ITGB4: variants seen among roughly 807,000 people sequenced by gnomAD.
The protein encoded by ITGB4 is integrin beta-4.
ITGB4 carries 159 observed loss-of-function variants against 207.6 expected under a neutral mutation model. The ratio of observed to expected loss-of-function variants is 0.77; its 90% confidence interval spans 0.67 to 0.87. ITGB4 has a LOEUF of 0.87. Ranked by LOEUF, ITGB4 falls within the 40% of genes least tolerant of loss-of-function variation. The pLI, the probability that ITGB4 is intolerant of heterozygous loss-of-function variation, is 0.00. For missense variants in ITGB4, 2,278 were observed against 2,546.8 expected (o/e 0.89, Z 2.27); for synonymous variants, 1,020 against 1,062.7 (o/e 0.96, Z 0.78).
In ITGB4 at chr17:75,752,400, G is replaced by GT. The variant is rs768981787; in HGVS notation, c.3976+44_3976+45insT. The GT allele has an allele frequency of 9.3e-6, 15 of 1,612,736 alleles. No homozygotes were observed. The African/African-American group carries it at 2.0e-4, about 21-fold the overall frequency. ...GGTGAGGGGCAGACCGGGCAGGGGGGCAGGGGGCAGCAGCCAGGGCCCTGG... is the reference window on the plus strand; with the variant it reads ...GGTGAGGGGCAGACCGGGCAGGGGGGTCAGGGGGCAGCAGCCAGGGCCCTGG... On this transcript the variant is annotated intron_variant, in intron 31 of 39. Coordinates refer to ENST00000200181, the MANE Select transcript of ITGB4 (RefSeq NM_000213.5).
intron 15 of ITGB4, 40 bp from the exon 16 acceptor site, chr17:75,736,525 C>T: frequency 6.3e-7 from 1 of 1,590,690 alleles, no homozygotes; most frequent in Non-Finnish European, 8.6e-7. Flanking sequence ...CAGAGGCCCA[C>T]CCAACACAGT....
In ITGB4 at chr17:75,736,610, C is replaced by A. The variant is rs1170581456; in HGVS notation, c.1906C>A (p.Gln636Lys). 6.2e-6 allele frequency: 10 copies of A among 1,603,636 alleles called. No individual in the cohort carries two copies. Among genetic ancestry groups the A allele is most frequent in the Non-Finnish European group, 7.7e-6 (9 of 1,175,762 alleles). Reference sequence around the variant, plus strand: ...GGACCTACGCTCCTGCGTGCAGTGCCAGGCGTGGGGCACCGGCGAGAAGAA... The same window carrying A: ...GGACCTACGCTCCTGCGTGCAGTGCAAGGCGTGGGGCACCGGCGAGAAGAA... ...CEDLRSCVQC[Q>K]AWGTGEKKGR... The change falls in exon 16 of 40, where the codon CAG becomes AAG. Residue 636 changes from glutamine to lysine, a missense_variant. Coordinates refer to ENST00000200181, the MANE Select transcript of ITGB4 (RefSeq NM_000213.5).
rs572503291 is a variant in ITGB4 at position 75,757,181 on chromosome 17, G to GC, written c.5219-17dup. 836 of 1,612,202 alleles carry GC rather than the reference G, an allele frequency of 5.2e-4. 4 individuals are homozygous for GC. In the African/African-American group the frequency reaches 9.8e-3, roughly 19 times the overall value. On this transcript the variant is annotated intron_variant, in intron 38 of 39. Transcript: ENST00000200181. ...TCCTTCTGGCACCACCCTCTGACTG[G>GC]CCTATCTGCCCACCCCAGGACCCTT...
At chr17:75,755,295 C>G (rs577078944) in intron 34 of ITGB4, 6 of 1,402,772 alleles carry the variant, frequency 4.3e-6, no homozygotes, top group Non-Finnish European at 5.8e-6. Flanking sequence ...GCCAGCTGTG[C>G]CCACTGCTTC....
intron 30 of ITGB4, 71 bp downstream of exon 30, chr17:75,751,182 G>GACCAA: frequency 1.3e-6 from 2 of 1,564,988 alleles, no homozygotes; most frequent in Non-Finnish European, 1.7e-6. Context: ...AAAGCTGGAG[G>GACCAA]GAGCTCTTGG....
rs754607950 is a variant in ITGB4 at position 75,756,744 on chromosome 17, G to A, written c.4938G>A (p.Pro1646=). Residue 1646 remains proline (P), a synonymous_variant, in exon 37 of 40, where the codon CCG becomes CCA. Coordinates refer to ENST00000200181, the MANE Select transcript of ITGB4 (RefSeq NM_000213.5). ...FTLSTPSAPG[P]LVFTALSPDS... is the part of the protein sequence containing the mutation. The stretch of plus-strand genomic sequence containing the variant: ...TGAGCACTCCCAGTGCCCCAGGCCC[G>A]CTGGTGTTCACTGCCCTGAGCCCAG... 61 of 1,612,926 alleles carry A rather than the reference G, an allele frequency of 3.8e-5. No individual in the cohort carries two copies. The highest frequency in any genetic ancestry group is 4.5e-5 in the Non-Finnish European group (53 of 1,180,008).
Position 75,757,609 on chromosome 17 carries a change from T to C in ITGB4, c.*54T>C. The C allele has an allele frequency of 1.2e-6, 2 of 1,607,916 alleles. No homozygotes were observed. Among genetic ancestry groups the C allele is most frequent in the Non-Finnish European group, 1.7e-6 (2 of 1,175,736 alleles). ...CCACTAGGCGTCCTCCCGACTCCTC[T>C]CCCGGAGCCTCCTCAGCTACTCCAT... On this transcript the variant is annotated 3_prime_UTR_variant, in exon 40 of 40. Transcript: ENST00000200181.
At position 75,742,210 on chromosome 17, in the gene ITGB4, G is replaced by C; in HGVS notation, c.2634-131G>C. 1.7e-6 allele frequency: 2 copies of C among 1,186,976 alleles called. No homozygotes were observed. The highest frequency in any genetic ancestry group is 2.6e-5 in the South Asian group (2 of 75,890). The allele number at this position is 1,186,976 out of a possible 1,614,324, so 73.5% of individuals were successfully genotyped here. A position where few individuals can be genotyped will look rare whatever the true frequency, so the allele number is the denominator to read the frequency against. On this transcript the variant is annotated intron_variant, in intron 23 of 39. Transcript: ENST00000200181. This position sits in a 1 kb window ranked among gnomAD's most constrained non-coding sequence, Gnocchi z 5.9. ...CTGGCATAGGCCTGGAGCACTGCCT[G>C]CCTCTGAAGACCCTGCACTTCTTGC...
Position 75,740,279 on chromosome 17 carries a change from C to A in ITGB4, c.2447-79C>A. 1 of 1,369,458 alleles carries A rather than the reference C, an allele frequency of 7.3e-7. No individual in the cohort carries two copies. Among genetic ancestry groups the A allele is most frequent in the Non-Finnish European group, 1.0e-6 (1 of 976,504 alleles). 84.8% of individuals were successfully genotyped at this position (1,369,458 alleles called of 1,614,324 possible). On this transcript the variant is annotated intron_variant, in intron 20 of 39. Coordinates refer to ENST00000200181, the MANE Select transcript of ITGB4 (RefSeq NM_000213.5). This position sits in a 1 kb window ranked among gnomAD's most constrained non-coding sequence, Gnocchi z 5.9. ...GCATCCCCTGATCCTAGCATGGTTG[C>A]TGGAGGGATGCTCTGTGGTGCCTGT...
Position 75,742,272 on chromosome 17 carries a change from G to C in ITGB4, c.2634-69G>C. On this transcript the variant is annotated intron_variant, in intron 23 of 39. Coordinates refer to ENST00000200181, the MANE Select transcript of ITGB4 (RefSeq NM_000213.5). This position sits in a 1 kb window ranked among gnomAD's most constrained non-coding sequence, Gnocchi z 5.9. ...CTGGCCCCTGAAGGGGAGAAGACAG[G>C]CAGGAGGGACAGGGCAGCAGGTGCC... 2 of 1,597,194 alleles carry C rather than the reference G, an allele frequency of 1.3e-6. No homozygotes were observed. Among genetic ancestry groups the C allele is most frequent in the Middle Eastern group, 1.7e-4 (1 of 6,022 alleles).
chr17:75,755,739 C>T lies in ITGB4; in HGVS notation c.4597C>T (p.Arg1533Cys), dbSNP rs779870630. The T allele has an allele frequency of 1.4e-5, 22 of 1,612,806 alleles. 2 individuals carry two copies. The highest frequency in any genetic ancestry group is 1.6e-4 in the Middle Eastern group (1 of 6,084). ...TGCTGGTGTGCCCGACACGCCCACC[C>T]GCCTGGTGTTCTCTGCCCTGGGGCC... is the stretch of plus-strand genomic sequence containing the variant. ...LTAGVPDTPTRLVFSALGPTS... is the reference protein window; with the variant it reads ...LTAGVPDTPTCLVFSALGPTS... Residue 1533 changes from arginine to cysteine, a missense_variant, in exon 35 of 40, where the codon CGC becomes TGC. Transcript: ENST00000200181.
In ITGB4 at chr17:75,748,958, C is replaced by G; in HGVS notation, c.3229C>G (p.Arg1077Gly). ...VDSLLRGRQV[R>G]RFHVQLSNPK... ...CTCCCTCCTGCGGGGCCGCCAGGTC[C>G]GCCGTTTCCACGTCCAGCTCAGCAA... is the stretch of plus-strand genomic sequence containing the variant. Residue 1077 changes from arginine (R) to glycine (G), a missense_variant, in exon 27 of 40, where the codon CGC (arginine) becomes GGC (glycine). Transcript: ENST00000200181. 1 of 1,613,478 alleles carries G rather than the reference C, an allele frequency of 6.2e-7. No homozygotes were observed. The highest frequency in any genetic ancestry group is 8.5e-7 in the Non-Finnish European group (1 of 1,179,998).
chr17:75,739,738 C>T lies in ITGB4; in HGVS notation c.2254+33C>T, dbSNP rs752103640. ...CCTGGCATCGCAGGGGCAGCAGGGGCTCTGACTGCTCTTTCTCTGAGCTGG... is the reference window on the plus strand; with the variant it reads ...CCTGGCATCGCAGGGGCAGCAGGGGTTCTGACTGCTCTTTCTCTGAGCTGG... On this transcript the variant is annotated intron_variant, in intron 19 of 39. Transcript: ENST00000200181. The surrounding 1 kb of genome is among the most constrained non-coding windows in gnomAD (Gnocchi z 5.4). 1.5e-5 allele frequency: 25 copies of T among 1,613,714 alleles called. No individual in the cohort carries two copies. The highest frequency in any genetic ancestry group is 1.9e-5 in the Non-Finnish European group (23 of 1,179,776).
chr17:75,753,650 G>A (rs1209644320), intron 32 of ITGB4, 115 bp from the exon 33 acceptor site: 1 of 647,924 alleles, frequency 1.5e-6, no homozygotes, highest in Non-Finnish European at 2.2e-6. Context: ...CACACCCCGG[G>A]ATCCCGGGAG....
intron 26 of ITGB4, 130 bp from the exon 27 acceptor site, chr17:75,748,711 C>T (rs930141016): frequency 1.2e-5 from 8 of 670,124 alleles, no homozygotes; most frequent in Admixed American, 8.7e-5. Context: ...ACCTGAACCT[C>T]GTGTAAGTAC....
chr17:75,750,238 GCCC>G lies in ITGB4; in HGVS notation c.3447_3449del (p.Pro1150del), dbSNP rs1458732733. ...CCAGGAAGATCCATTTCAACTGGCT[GCCC>G]CCTTCTGGCAAGCCAATGGGGTACA... is the stretch of plus-strand genomic sequence containing the variant. On this transcript the variant is annotated inframe_deletion, in exon 28 of 40. Coordinates refer to ENST00000200181, the MANE Select transcript of ITGB4 (RefSeq NM_000213.5). The surrounding 1 kb of genome is among the most constrained non-coding windows in gnomAD (Gnocchi z 5.5). 1.9e-6 allele frequency: 3 copies of G among 1,613,366 alleles called. No individual in the cohort carries two copies. The highest frequency in any genetic ancestry group is 2.5e-6 in the Non-Finnish European group (3 of 1,179,906).
chr17:75,726,907 A>T (rs537840532), intron 2 of ITGB4, among the ~76,000 whole-genome samples: 1 of 152,234 alleles, frequency 6.6e-6, no homozygotes, highest in Non-Finnish European at 1.5e-5. Flanking sequence ...CCCTGTCTCT[A>T]CTAAAAATAC....
rs748835678 is a variant in ITGB4 at position 75,755,162 on chromosome 17, C to T, written c.4558+347C>T. ...AGGGTTCCCCCCTTCCAGGGGCCCA[C>T]GAGACTCTATAATCCTGGCTGGGAG... On this transcript the variant is annotated intron_variant, in intron 34 of 39. Transcript: ENST00000200181. 19 of 1,611,370 alleles carry T rather than the reference C, an allele frequency of 1.2e-5. No individual in the cohort carries two copies. The highest frequency in any genetic ancestry group is 3.3e-5 in the Admixed American group (2 of 59,946).
chr17:75,744,880 C>T (rs370363850), intron 26 of ITGB4, among the ~76,000 whole-genome samples: 4 of 151,448 alleles, frequency 2.6e-5, no homozygotes, highest in Admixed American at 6.6e-5. Flanking sequence ...CCACCCACCT[C>T]GGCCTCCCAA....
Sources: allele counts gnomAD v4.1 joint callset (sites outside exome capture counted in the v4.1 genomes callset), GRCh38; gene constraint gnomAD v4.1.1; non-coding constraint Gnocchi (gnomAD v3.1); transcripts MANE v1.5; gene names NCBI Gene and HGNC (gene_info 2026-07-23, HGNC 2026-07-21).